The following PPP1R9A variants were observed in gnomAD, a reference collection of about 807,000 sequenced individuals.
The protein encoded by PPP1R9A is neurabin-1.
Under a neutral mutation model 141.9 loss-of-function variants are expected in PPP1R9A, and 59 were observed. That is an observed-to-expected ratio of 0.42 (90% confidence interval 0.34 to 0.52). PPP1R9A has a LOEUF of 0.52. Among genes scored for constraint, PPP1R9A ranks in the 20% least tolerant of loss-of-function variants. PPP1R9A has a pLI of 0.10. For missense variants in PPP1R9A, 1,444 were observed against 1,611.9 expected, an observed-to-expected ratio of 0.90 and a Z score of 1.78; for synonymous variants, 500 against 569.7, an observed-to-expected ratio of 0.88 and a Z score of 1.74.
chr7:94,972,195 T>C (rs1055767005), intron 2 of PPP1R9A, among the ~76,000 whole-genome samples: 2 of 152,236 alleles, frequency 1.3e-5, no homozygotes, highest in Admixed American at 6.5e-5. Context: ...ACTGTACTTA[T>C]TACTGGTCTT....
At chr7:95,094,401 C>G (rs1181267704) in intron 2 of PPP1R9A, among the ~76,000 whole-genome samples, 2 of 152,172 alleles carry the variant, frequency 1.3e-5, no homozygotes, top group African/African-American at 2.4e-5. Context: ...AATTCATTCT[C>G]TCTCCTCTGT....
chr7:95,064,173 A>G (rs975091399), intron 2 of PPP1R9A, among the ~76,000 whole-genome samples: 1 of 152,188 alleles, frequency 6.6e-6, no homozygotes, highest in African/African-American at 2.4e-5. Flanking sequence ...AAAATATGGC[A>G]TTAGGTCCCT....
intron 18 of PPP1R9A, among the ~76,000 whole-genome samples, chr7:95,288,114 C>T (rs563820023): frequency 4.7e-4 from 72 of 152,250 alleles, no homozygotes; most frequent in African/African-American, 1.7e-3. Context: ...TTAATGCTCT[C>T]CTCTTGCAAG....
intron 4 of PPP1R9A, among the ~76,000 whole-genome samples, chr7:95,158,416 A>T (rs1829964266): frequency 6.6e-6 from 1 of 152,188 alleles, no homozygotes; most frequent in Non-Finnish European, 1.5e-5. Flanking sequence ...GCACTTTGGG[A>T]TGCCAAGGCA....
At chr7:95,107,505 A>G (rs1819711012) in intron 2 of PPP1R9A, among the ~76,000 whole-genome samples, 1 of 151,994 alleles carries the variant, frequency 6.6e-6, no homozygotes, top group Non-Finnish European at 1.5e-5. Context: ...CACTTTTTAT[A>G]TATGTATATA....
At chr7:95,028,921 G>A (rs2151797260) in intron 2 of PPP1R9A, among the ~76,000 whole-genome samples, 1 of 152,288 alleles carries the variant, frequency 6.6e-6, no homozygotes, top group South Asian at 2.1e-4. Context: ...GGACAAACAA[G>A]GAGGTCAGTG....
chr7:95,155,649 G>T (rs1003365033), intron 4 of PPP1R9A: 2 of 152,038 alleles, frequency 1.3e-5, no homozygotes, highest in African/African-American at 4.8e-5. Flanking sequence ...AAAATTCAAA[G>T]AATTTAAATG....
intron 2 of PPP1R9A, among the ~76,000 whole-genome samples, chr7:95,034,012 A>G (rs970829477): frequency 1.3e-5 from 2 of 152,092 alleles, no homozygotes; most frequent in African/African-American, 2.4e-5. Context: ...TTGCGTTTGC[A>G]TATAAATTTG....
chr7:95,198,578 C>A, intron 6 of PPP1R9A, 94 bp downstream of exon 6: 1 of 1,373,478 alleles, frequency 7.3e-7, no homozygotes. Context: ...TATGCAGTTT[C>A]TTGAGGAAGG....
intron 4 of PPP1R9A, chr7:95,155,611 A>G (rs1265409824): frequency 6.6e-6 from 1 of 152,224 alleles, no homozygotes; most frequent in African/African-American, 2.4e-5. Flanking sequence ...TTAGTGTCTC[A>G]GTGGATCCTC....
At chr7:95,111,540 T>C in intron 3 of PPP1R9A, 149 bp downstream of exon 3, 2 of 882,472 alleles carry the variant, frequency 2.3e-6, no homozygotes, top group South Asian at 1.9e-5. Context: ...AAATAGTTGA[T>C]ATGGATTCTG....
At chr7:95,082,898 G>A (rs1816101053) in intron 2 of PPP1R9A, among the ~76,000 whole-genome samples, 1 of 150,948 alleles carries the variant, frequency 6.6e-6, no homozygotes, top group Non-Finnish European at 1.5e-5. Context: ...TGGGACTACA[G>A]GCGCCCACCA....
chr7:94,989,211 G>C (rs1293364243), intron 2 of PPP1R9A, among the ~76,000 whole-genome samples: 1 of 152,030 alleles, frequency 6.6e-6, no homozygotes, highest in Admixed American at 6.6e-5. Context: ...GTTTCAAAGA[G>C]ATGTAAAATT....
chr7:95,151,432 G>A (rs762029150), intron 4 of PPP1R9A, among the ~76,000 whole-genome samples: 1 of 152,190 alleles, frequency 6.6e-6, no homozygotes. Flanking sequence ...TATGGAGACA[G>A]TAAAAAGATC....
At position 95,269,319 on chromosome 7, in the gene PPP1R9A, A is replaced by G. The variant is rs762709645; in HGVS notation, c.2936A>G (p.Asp979Gly). The G allele has an allele frequency of 1.5e-5, 24 of 1,598,360 alleles. No homozygotes were observed. In the Admixed American group the frequency reaches 2.2e-4, roughly 14 times the overall value. The change falls in exon 14 of 20, where the codon GAT (aspartate) becomes GGT (glycine). Residue 979 changes from aspartate (D) to glycine (G), a missense_variant. Asp to Gly is a moderately conservative substitution (Grantham distance 94, BLOSUM62 -1). Transcript: ENST00000433360. ...GGTGTTCCACCCCTCACCCCGGTGG[A>G]TAGCAATGTGCCCTTCTCGTCTGAC... is the stretch of plus-strand genomic sequence containing the variant. ...DSGVPPLTPV[D>G]SNVPFSSDHI...
chr7:94,972,509 A>G (rs1317027169), intron 2 of PPP1R9A, among the ~76,000 whole-genome samples: 1 of 152,066 alleles, frequency 6.6e-6, no homozygotes, highest in African/African-American at 2.4e-5. Flanking sequence ...TCTTTGTGCA[A>G]ATATTTTCTC....
chr7:94,951,130 C>T (rs146762624), intron 2 of PPP1R9A, among the ~76,000 whole-genome samples: 116 of 152,068 alleles, frequency 7.6e-4, no homozygotes, highest in African/African-American at 2.6e-3. Context: ...AATTTGCCTG[C>T]AGATTTCAGA....
intron 9 of PPP1R9A, among the ~76,000 whole-genome samples, chr7:95,249,168 A>T (rs560694514): frequency 2.6e-5 from 4 of 152,158 alleles, no homozygotes; most frequent in Non-Finnish European, 5.9e-5. Context: ...AAAGCTGGTT[A>T]TGGCTTTCTG....
chr7:95,083,818 A>T (rs1164847644), intron 2 of PPP1R9A, among the ~76,000 whole-genome samples: 1 of 152,016 alleles, frequency 6.6e-6, no homozygotes, highest in Non-Finnish European at 1.5e-5. Context: ...ATGCTGAAAA[A>T]TTGCTGAATT....
Sources: allele counts gnomAD v4.1 joint callset (sites outside exome capture counted in the v4.1 genomes callset), GRCh38; gene constraint gnomAD v4.1.1; transcripts MANE v1.5; gene names NCBI Gene and HGNC (gene_info 2026-07-23, HGNC 2026-07-21).